Variants in MMP7 observed in about 807,000 individuals in gnomAD.
MMP7 encodes matrilysin.
A neutral mutation model predicts 31.5 loss-of-function variants in MMP7; 26 were observed. The ratio of observed to expected loss-of-function variants is 0.83; its 90% CI spans 0.61 to 1.15. The LOEUF is 1.15. Among genes scored for constraint, MMP7 ranks in the 50% most tolerant of loss-of-function variants. The pLI is 0.00. For missense variants in MMP7, 367 were observed against 326.5 expected (o/e 1.12, Z -0.96); for synonymous variants, 142 against 124.2 (o/e 1.14, Z -0.95).
intron 3 of MMP7, among the ~76,000 whole-genome samples, chr11:102,525,615 A>G (rs1222695637): frequency 2.0e-5 from 3 of 152,092 alleles, no homozygotes; most frequent in Non-Finnish European, 1.5e-5. Flanking sequence ...AGCTTACTGG[A>G]TACAGGACTT....
At position 102,527,841 on chromosome 11, in the gene MMP7, T is replaced by A; in HGVS notation, c.251A>T (p.Lys84Met). The A allele has an allele frequency of 6.2e-7, 1 of 1,614,174 alleles. No individual in the cohort carries two copies. Among genetic ancestry groups the A allele is most frequent in the South Asian group, 1.1e-5 (1 of 91,086 alleles). Reference protein sequence around the residue: ...LNSRVIEIMQKPRCGVPDVAE... With the variant: ...LNSRVIEIMQMPRCGVPDVAE... ...AACATCTGGCACTCCACATCTGGGC[T>A]TCTGCATTATTTCTATGACGCGGGA... is the stretch of plus-strand genomic sequence containing the variant. Residue 84 changes from lysine (K) to methionine (M), a missense_variant, in exon 2 of 6, where the codon AAG becomes ATG. Transcript: ENST00000260227.
At chr11:102,525,123 T>C in intron 3 of MMP7, 59 bp from the exon 4 acceptor site, 1 of 1,562,000 alleles carries the variant, frequency 6.4e-7, no homozygotes, top group East Asian at 2.3e-5. Context: ...CCAGTCATTT[T>C]ATTTTTCAGT....
chr11:102,522,528 C>CATG (rs1858624062), intron 5 of MMP7, among the ~76,000 whole-genome samples: 2 of 152,204 alleles, frequency 1.3e-5, no homozygotes, highest in Admixed American at 6.5e-5. Context: ...ATGGCTCAAG[C>CATG]ACTCGACAGT....
Position 102,524,903 on chromosome 11 carries a change from G to T in MMP7, c.613+33C>A, listed in dbSNP as rs1366661461. 8 of 1,591,310 alleles carry T rather than the reference G, an allele frequency of 5.0e-6. No homozygotes were observed. The Admixed American group carries it at 1.4e-4, about 29-fold the overall frequency. On this transcript the variant is annotated intron_variant, in intron 4 of 5. Transcript: ENST00000260227. ...AGTGTAAGTCCAGGATTTTAAAACG[G>T]ATGTGGAGTAGAAGAGACATGAGAT...
intron 5 of MMP7, among the ~76,000 whole-genome samples, chr11:102,522,260 C>T (rs1329784203): frequency 7.2e-5 from 11 of 152,224 alleles, no homozygotes; most frequent in African/African-American, 2.2e-4. Context: ...TGGAATATTT[C>T]TCCCCTGAGG....
chr11:102,520,663 A>G lies in MMP7; in HGVS notation c.*113T>C. On this transcript the variant is annotated 3_prime_UTR_variant, in exon 6 of 6. Transcript: ENST00000260227. ...ACATTCAAAAACCAACTGCAATAAA[A>G]AAGGGTGACATAATTGCTAAATGGA... is the stretch of plus-strand genomic sequence containing the variant. The G allele has an allele frequency of 2.4e-6, 2 of 837,400 alleles. No homozygotes were observed. The highest frequency in any genetic ancestry group is 2.5e-5 in the East Asian group (1 of 39,760). 51.9% of individuals were successfully genotyped at this position (837,400 alleles called of 1,614,324 possible).
Position 102,520,814 on chromosome 11 carries a change from G to T in MMP7, c.776-10C>A. ...GAATTACTTCTCTTTCCTATTGAGA[G>T]AAAAAAAAAGAACATTCTGATATGT... is the stretch of plus-strand genomic sequence containing the variant. On this transcript the variant is annotated splice_polypyrimidine_tract_variant and intron_variant, in intron 5 of 5. Transcript: ENST00000260227. The T allele has an allele frequency of 6.7e-7, 1 of 1,499,140 alleles. No homozygotes were observed. Among genetic ancestry groups the T allele is most frequent in the Non-Finnish European group, 9.1e-7 (1 of 1,103,490 alleles). 92.9% of individuals were successfully genotyped at this position (1,499,140 alleles called of 1,614,324 possible). A position where few individuals can be genotyped will look rare whatever the true frequency, so the allele number is the denominator to read the frequency against.
intron 5 of MMP7, among the ~76,000 whole-genome samples, chr11:102,521,612 C>T (rs1353365400): frequency 6.6e-6 from 1 of 152,168 alleles, no homozygotes; most frequent in Non-Finnish European, 1.5e-5. Context: ...CATATACAGC[C>T]CACATAATTA....
At chr11:102,522,922 G>C (rs1486502711) in intron 5 of MMP7, among the ~76,000 whole-genome samples, 2 of 152,114 alleles carry the variant, frequency 1.3e-5, no homozygotes, top group African/African-American at 4.8e-5. Context: ...ACCCCTACAG[G>C]GGACACTCTC....
chr11:102,524,847 C>G (rs1858650456), intron 4 of MMP7, 89 bp downstream of exon 4: 2 of 1,420,268 alleles, frequency 1.4e-6, no homozygotes, highest in South Asian at 1.5e-5. Context: ...GGGCTCAATA[C>G]TTATTATAAA....
At chr11:102,528,886 T>C (rs1858702632) in intron 1 of MMP7, among the ~76,000 whole-genome samples, 1 of 152,208 alleles carries the variant, frequency 6.6e-6, no homozygotes, top group South Asian at 2.1e-4. Context: ...CATATTTATT[T>C]TATGTAAACC....
At chr11:102,528,274 G>A (rs1591593759) in intron 1 of MMP7, among the ~76,000 whole-genome samples, 1 of 152,152 alleles carries the variant, frequency 6.6e-6, no homozygotes, top group African/African-American at 2.4e-5. Flanking sequence ...ATAAAGCCTA[G>A]AAGTGTGTAA....
At position 102,522,756 on chromosome 11, in the gene MMP7, T is replaced by C. The variant is rs373314491; in HGVS notation, c.775+484A>G. Among the ~76,000 whole-genome samples, 13 of 152,308 alleles carry C rather than the reference T, an allele frequency of 8.5e-5. No individual in the cohort carries two copies. The East Asian group carries it at 1.7e-3, about 20-fold the overall frequency. ...GACTGGGGCAAGGGATATACATAAG[T>C]ATCAAGACCAGGAATGATAAGCAGT... is the stretch of plus-strand genomic sequence containing the variant. On this transcript the variant is annotated intron_variant, in intron 5 of 5. Coordinates refer to ENST00000260227, the MANE Select transcript of MMP7 (RefSeq NM_002423.5).
Position 102,527,923 on chromosome 11 carries a change from C to T in MMP7, c.169G>A (p.Ala57Thr), listed in dbSNP as rs748137609. ...AATTTTTGCATCTCCTTGAGTTTGG[C>T]TTCTAAACTGTTGGCATTTTTTGTT... ...SETKNANSLEAKLKEMQKFFG... is the reference protein window; with the variant it reads ...SETKNANSLETKLKEMQKFFG... The change falls in exon 2 of 6, where the codon GCC becomes ACC. Residue 57 changes from alanine to threonine, a missense_variant. Ala to Thr is a moderately conservative substitution (Grantham distance 58). Coordinates refer to ENST00000260227, the MANE Select transcript of MMP7 (RefSeq NM_002423.5). 1.5e-5 allele frequency: 24 copies of T among 1,613,918 alleles called. No homozygotes were observed. Among genetic ancestry groups the T allele is most frequent in the Non-Finnish European group, 1.8e-5 (21 of 1,180,002 alleles).
At chr11:102,529,171 G>A (rs756456460) in intron 1 of MMP7, among the ~76,000 whole-genome samples, 30 of 152,128 alleles carry the variant, frequency 2.0e-4, no homozygotes, top group Non-Finnish European at 3.1e-4. Flanking sequence ...TCTTAGGACC[G>A]CCCAGGAATA....
At chr11:102,530,441 G>T in intron 1 of MMP7, 152 bp downstream of exon 1, 1 of 646,138 alleles carries the variant, frequency 1.5e-6, no homozygotes, top group Non-Finnish European at 2.7e-6. Context: ...ATGGCTACTT[G>T]ATGAAAACAT....
At position 102,523,245 on chromosome 11, in the gene MMP7, A is replaced by T. The variant is rs1359645827; in HGVS notation, c.770T>A (p.Leu257Gln). 1 of 1,598,416 alleles carries T rather than the reference A, an allele frequency of 6.3e-7. No homozygotes were observed. Among genetic ancestry groups the T allele is most frequent in the South Asian group, 1.1e-5 (1 of 89,018 alleles). ...TTTGAAATAATAAATATTACCATATAGTTTCTGAATGCCTTTAATATCATC... is the reference window on the plus strand; with the variant it reads ...TTTGAAATAATAAATATTACCATATTGTTTCTGAATGCCTTTAATATCATC... The part of the protein sequence containing the change: ...SQDDIKGIQK[L>Q]YGKRSNSRKK The change falls in exon 5 of 6, where the codon CTA becomes CAA. Residue 257 changes from leucine to glutamine, a missense_variant. Transcript: ENST00000260227.
chr11:102,523,256 G>A lies in MMP7; in HGVS notation c.759C>T (p.Gly253=). 1 of 1,603,190 alleles carries A rather than the reference G, an allele frequency of 6.2e-7. No individual in the cohort carries two copies. The highest frequency in any genetic ancestry group is 8.5e-7 in the Non-Finnish European group (1 of 1,173,522). The change falls in exon 5 of 6, where the codon GGC becomes GGT. Residue 253 remains glycine (G), a synonymous_variant. Coordinates refer to ENST00000260227, the MANE Select transcript of MMP7 (RefSeq NM_002423.5). Reference sequence around the variant, plus strand: ...AAATATTACCATATAGTTTCTGAATGCCTTTAATATCATCCTGGGAAAGTT... The same window carrying A: ...AAATATTACCATATAGTTTCTGAATACCTTTAATATCATCCTGGGAAAGTT... ...NFKLSQDDIK[G]IQKLYGKRSN...
At chr11:102,528,361 G>T (rs17884924) in intron 1 of MMP7, among the ~76,000 whole-genome samples, 277 of 152,292 alleles carry the variant, frequency 1.8e-3, no homozygotes, top group African/African-American at 6.4e-3. Context: ...TAGACCCTGT[G>T]GGGGAGATCT....
Sources: gnomAD v4.1 joint callset for allele counts (sites outside exome capture counted in the v4.1 genomes callset) on GRCh38, gnomAD v4.1.1 for gene constraint, MANE v1.5 for transcripts, NCBI Gene and HGNC (gene_info 2026-07-23, HGNC 2026-07-21) for gene names.